Variants in SGPP1 observed in about 807,000 individuals in gnomAD.
SGPP1 encodes sphingosine-1-phosphate phosphatase 1.
SGPP1 carries 21 observed loss-of-function variants against 33.0 expected under a neutral mutation model. The observed-to-expected ratio is 0.64, with a 90% CI of 0.45 to 0.92. The LOEUF (loss-of-function observed/expected upper bound fraction) is 0.92. Ranked by LOEUF, SGPP1 falls within the 40% of genes least tolerant of loss-of-function variation. The pLI is 0.00. For missense variants in SGPP1, 543 were observed against 589.4 expected (o/e 0.92, Z 0.81); for synonymous variants, 239 against 241.2 (o/e 0.99, Z 0.08).
At chr14:63,695,114 T>A (rs1885161177) in intron 2 of SGPP1, among the ~76,000 whole-genome samples, 1 of 152,196 alleles carries the variant, frequency 6.6e-6, no homozygotes, top group East Asian at 1.9e-4. Context: ...TGGAGTGCAG[T>A]GGCGCGATCT....
intron 1 of SGPP1, among the ~76,000 whole-genome samples, chr14:63,718,681 TAC>T (rs986916044): frequency 2.6e-4 from 39 of 151,994 alleles, no homozygotes; most frequent in Admixed American, 1.4e-3. Context: ...TAAAAAAAGA[TAC>T]AGTTTTTAAA....
At chr14:63,696,150 T>C (rs1317392660) in intron 2 of SGPP1, among the ~76,000 whole-genome samples, 1 of 152,144 alleles carries the variant, frequency 6.6e-6, no homozygotes, top group Non-Finnish European at 1.5e-5. Flanking sequence ...TATCAGGGCA[T>C]GGTGGCATGC....
At chr14:63,709,726 AAAAT>A (rs1376008317) in intron 1 of SGPP1, among the ~76,000 whole-genome samples, 1 of 152,224 alleles carries the variant, frequency 6.6e-6, no homozygotes, top group Non-Finnish European at 1.5e-5. Flanking sequence ...CAAATACATA[AAAAT>A]GTAAAAATGT....
chr14:63,697,658 T>C (rs1245438009), intron 2 of SGPP1, among the ~76,000 whole-genome samples: 1 of 152,094 alleles, frequency 6.6e-6, no homozygotes, highest in Non-Finnish European at 1.5e-5. Context: ...TCACAAGTCT[T>C]GAGAAAGAGA....
intron 2 of SGPP1, among the ~76,000 whole-genome samples, chr14:63,694,667 A>T (rs1229085043): frequency 6.6e-6 from 1 of 152,388 alleles, no homozygotes; most frequent in East Asian, 1.9e-4. Context: ...ATATCAATAT[A>T]ATGGATAACA....
chr14:63,701,323 T>C (rs1032773636), intron 1 of SGPP1, among the ~76,000 whole-genome samples: 4 of 152,086 alleles, frequency 2.6e-5, no homozygotes, highest in Non-Finnish European at 4.4e-5. Context: ...CATTGCAATT[T>C]TGGGATTAAG....
intron 2 of SGPP1, among the ~76,000 whole-genome samples, chr14:63,688,725 C>CTT (rs1051862998): frequency 3.5e-5 from 4 of 115,934 alleles, no homozygotes; most frequent in Non-Finnish European, 5.1e-5. Flanking sequence ...TTTTTTTTTT[C>CTT]TTTTTTTTTT....
At chr14:63,694,494 A>G (rs1471177306) in intron 2 of SGPP1, among the ~76,000 whole-genome samples, 2 of 152,136 alleles carry the variant, frequency 1.3e-5, no homozygotes, top group African/African-American at 4.8e-5. Flanking sequence ...AAAAAACAAA[A>G]CAAAACTTAG....
Position 63,686,455 on chromosome 14 carries a change from C to T in SGPP1, c.976G>A (p.Gly326Ser). ...RGDTAEILGSGAGIACGSHVT... is the reference protein window; with the variant it reads ...RGDTAEILGSSAGIACGSHVT... The stretch of plus-strand genomic sequence containing the variant: ...TGAGATCCACATGCAATTCCAGCAC[C>T]ACTTCCTAGTATCTCGGCTGTGTCT... The change falls in exon 3 of 3, where the codon GGT (glycine) becomes AGT (serine). Residue 326 changes from glycine to serine, a missense_variant. Coordinates refer to ENST00000247225, the MANE Select transcript of SGPP1 (RefSeq NM_030791.4). The T allele has an allele frequency of 6.2e-7, 1 of 1,614,060 alleles. No individual in the cohort carries two copies. The highest frequency in any genetic ancestry group is 8.5e-7 in the Non-Finnish European group (1 of 1,180,014).
chr14:63,716,359 T>G, intron 1 of SGPP1, among the ~76,000 whole-genome samples: 1 of 151,898 alleles, frequency 6.6e-6, no homozygotes, highest in Non-Finnish European at 1.5e-5. Context: ...CTGGGTGTGG[T>G]GGCGAGCGCC....
intron 2 of SGPP1, among the ~76,000 whole-genome samples, chr14:63,687,573 G>A (rs1194973399): frequency 6.6e-6 from 1 of 152,232 alleles, no homozygotes; most frequent in African/African-American, 2.4e-5. Flanking sequence ...GCCTGTCTGA[G>A]GGTGGTGACA....
intron 2 of SGPP1, among the ~76,000 whole-genome samples, chr14:63,692,611 G>C (rs770731710): frequency 5.2e-4 from 79 of 151,878 alleles, no homozygotes; most frequent in Non-Finnish European, 1.1e-3. Context: ...CACCAGGCCT[G>C]GCTAATATTT....
At chr14:63,692,433 G>A (rs537827706) in intron 2 of SGPP1, among the ~76,000 whole-genome samples, 8 of 151,898 alleles carry the variant, frequency 5.3e-5, no homozygotes, top group African/African-American at 1.9e-4. Flanking sequence ...TGGGAGTGAA[G>A]AGAAACTAAA....
chr14:63,722,647 T>C (rs140960019), intron 1 of SGPP1, among the ~76,000 whole-genome samples: 344 of 152,012 alleles, frequency 2.3e-3, no homozygotes, highest in Admixed American at 3.8e-3. Flanking sequence ...TAGTTGGCAA[T>C]GAGTTGTCTA....
intron 2 of SGPP1, among the ~76,000 whole-genome samples, chr14:63,693,864 T>C (rs1308936657): frequency 6.6e-6 from 1 of 152,234 alleles, no homozygotes; most frequent in African/African-American, 2.4e-5. Flanking sequence ...TTGCAAATTG[T>C]TGGGATTATA....
chr14:63,708,466 A>G (rs1885460462), intron 1 of SGPP1, among the ~76,000 whole-genome samples: 1 of 147,404 alleles, frequency 6.8e-6, no homozygotes, highest in Non-Finnish European at 1.5e-5. Context: ...GTTTTGCCAT[A>G]TTGGCCAGGC....
At chr14:63,714,131 C>A (rs192490661) in intron 1 of SGPP1, among the ~76,000 whole-genome samples, 4 of 152,354 alleles carry the variant, frequency 2.6e-5, no homozygotes, top group Admixed American at 1.3e-4. Flanking sequence ...CAGCCTTGGA[C>A]TGGGAGTTAC....
intron 2 of SGPP1, among the ~76,000 whole-genome samples, chr14:63,694,954 T>A (rs964994018): frequency 2.0e-5 from 3 of 152,162 alleles, no homozygotes; most frequent in African/African-American, 7.2e-5. Flanking sequence ...ATTTGAAAAT[T>A]TTTTTCATTT....
At chr14:63,720,913 A>C (rs1372097666) in intron 1 of SGPP1, among the ~76,000 whole-genome samples, 2 of 152,136 alleles carry the variant, frequency 1.3e-5, no homozygotes, top group African/African-American at 4.8e-5. Flanking sequence ...TCTTCTTTTC[A>C]TGTTTCTTTT....
Sources: allele counts gnomAD v4.1 joint callset (sites outside exome capture counted in the v4.1 genomes callset), GRCh38; gene constraint gnomAD v4.1.1; transcripts MANE v1.5; gene names NCBI Gene and HGNC (gene_info 2026-07-23, HGNC 2026-07-21).